The following SBK1 variants were observed in gnomAD, a reference collection of about 807,000 sequenced individuals.
SBK1 encodes the protein SH3 domain binding kinase 1.
Under a neutral mutation model 24.4 loss-of-function variants are expected in SBK1, and 11 were observed. The ratio of observed to expected loss-of-function variants is 0.45; its 90% CI spans 0.28 to 0.75. SBK1 has a LOEUF of 0.75. Among genes scored for constraint, SBK1 ranks in the 30% least tolerant of loss-of-function variants. SBK1 has a pLI of 0.12. For synonymous variants in SBK1, 308 were observed against 284.4 expected (o/e 1.08, Z -0.83); for missense variants, 467 against 620.5 (o/e 0.75, Z 2.63).
chr16:28,277,531 C>T (rs994031307), intron 1 of SBK1, among the ~76,000 whole-genome samples: 1 of 152,012 alleles, frequency 6.6e-6, no homozygotes, highest in Non-Finnish European at 1.5e-5. Flanking sequence ...TTAAATTAGC[C>T]GAGCATGGTA....
chr16:28,322,509 T>C lies in SBK1; in HGVS notation c.*1588T>C, dbSNP rs1461807148. On this transcript the variant is annotated 3_prime_UTR_variant, in exon 4 of 4. Transcript: ENST00000341901. ...CGGCCAGAGTGAACTCCGAGCACTT[T>C]CTGGCTGGTGCCCCAACCTCTCCAC... is the stretch of plus-strand genomic sequence containing the variant. The C allele has an allele frequency of 6.5e-6, 1 of 152,836 alleles. No individual in the cohort carries two copies. The highest frequency in any genetic ancestry group is 1.5e-5 in the Non-Finnish European group (1 of 68,142). 9.5% of individuals were successfully genotyped at this position (152,836 alleles called of 1,614,324 possible).
Position 28,320,866 on chromosome 16 carries a change from C to T in SBK1, c.1220C>T (p.Ala407Val). ...QGPPGRTDGR[A>V]DKSKGQVVLA... ...CCCCCCGGCCGGACCGACGGCCGCG[C>T]GGACAAGAGCAAAGGGCAGGTGGTG... The change falls in exon 4 of 4, where the codon GCG becomes GTG. Residue 407 changes from alanine (A) to valine (V), a missense_variant. Physicochemically the swap from Ala to Val is moderately conservative, Grantham distance 64. Transcript: ENST00000341901. The surrounding 1 kb of genome is among the most constrained non-coding windows in gnomAD (Gnocchi z 8.5). 3 of 1,499,046 alleles carry T rather than the reference C, an allele frequency of 2.0e-6. No homozygotes were observed. The highest frequency in any genetic ancestry group is 2.0e-5 in the Admixed American group (1 of 50,390). 92.9% of individuals were successfully genotyped at this position (1,499,046 alleles called of 1,614,324 possible).
Position 28,320,751 on chromosome 16 carries a change from G to A in SBK1, c.1105G>A (p.Ala369Thr), listed in dbSNP as rs1317847370. 4.0e-6 allele frequency: 5 copies of A among 1,259,632 alleles called. No individual in the cohort carries two copies. The highest frequency in any genetic ancestry group is 3.8e-5 in the Admixed American group (1 of 26,164). The allele number at this position is 1,259,632 out of a possible 1,614,324, so 78.0% of individuals were successfully genotyped here. A position where few individuals can be genotyped will look rare whatever the true frequency, so the allele number is the denominator to read the frequency against. The change falls in exon 4 of 4, where the codon GCC becomes ACC. Residue 369 changes from alanine (A) to threonine (T), a missense_variant. Physicochemically the swap from Ala to Thr is moderately conservative, Grantham distance 58. Around this residue, in one of 4 missense-constraint regions of SBK1, gnomAD observed 166 missense variants for 146.8 expected, o/e 1.13. Coordinates refer to ENST00000341901, the MANE Select transcript of SBK1 (RefSeq NM_001024401.3). This position sits in a 1 kb window ranked among gnomAD's most constrained non-coding sequence, Gnocchi z 8.5. ...SGSGSRPAPP[A>T]VGSVPLPVPV... ...CAGCGGCTCCCGGCCCGCGCCCCCC[G>A]CCGTCGGGTCGGTGCCCTTGCCCGT...
intron 1 of SBK1, among the ~76,000 whole-genome samples, chr16:28,276,428 C>G (rs973216507): frequency 1.3e-5 from 2 of 152,290 alleles, no homozygotes; most frequent in South Asian, 4.1e-4. Flanking sequence ...CTGAATGAGA[C>G]GGGGCACTGG....
chr16:28,304,914 AT>A (rs1216056688), intron 1 of SBK1, among the ~76,000 whole-genome samples: 1 of 147,410 alleles, frequency 6.8e-6, no homozygotes, highest in African/African-American at 2.5e-5. Flanking sequence ...GGCAGCGGTA[AT>A]TTTTTTTTTC....
At chr16:28,316,490 C>G (rs188178959) in intron 1 of SBK1, among the ~76,000 whole-genome samples, 11 of 152,150 alleles carry the variant, frequency 7.2e-5, no homozygotes, top group African/African-American at 2.4e-4. Context: ...ATAAGCTGGG[C>G]ACAGTGGCTC....
intron 1 of SBK1, among the ~76,000 whole-genome samples, chr16:28,260,084 T>G (rs8051692): frequency 1.9e-4 from 28 of 149,940 alleles, no homozygotes; most frequent in African/African-American, 6.6e-4. Flanking sequence ...GTGTATTTGC[T>G]TGTGTGTGTG....
chr16:28,276,491 G>A (rs2044494396), intron 1 of SBK1, among the ~76,000 whole-genome samples: 1 of 152,160 alleles, frequency 6.6e-6, no homozygotes, highest in African/African-American at 2.4e-5. Flanking sequence ...TGCAGGCAGA[G>A]AGCGGATGCC....
chr16:28,297,960 G>C (rs2044652405), intron 1 of SBK1, among the ~76,000 whole-genome samples: 2 of 152,190 alleles, frequency 1.3e-5, no homozygotes, highest in African/African-American at 4.8e-5. Context: ...TGAGGGCTGG[G>C]ACCGTGGTTT....
intron 1 of SBK1, among the ~76,000 whole-genome samples, chr16:28,280,129 A>ATG (rs1319079209): frequency 1.5e-3 from 100 of 66,120 alleles, no homozygotes; most frequent in Non-Finnish European, 2.9e-3. Context: ...ATATATATAT[A>ATG]TATATATATA....
intron 1 of SBK1, among the ~76,000 whole-genome samples, chr16:28,266,596 G>A (rs956683546): frequency 2.0e-5 from 3 of 152,014 alleles, no homozygotes; most frequent in African/African-American, 7.2e-5. Flanking sequence ...GGGCTTTCTG[G>A]ATGCTACAGG....
chr16:28,308,184 G>A (rs1194265986), intron 1 of SBK1, among the ~76,000 whole-genome samples: 2 of 151,998 alleles, frequency 1.3e-5, no homozygotes, highest in Admixed American at 6.6e-5. Context: ...ACAGAGTCTC[G>A]CTGTCACCCA....
In SBK1 at chr16:28,287,142, A is replaced by C. The variant is rs1567673714; in HGVS notation, c.257+27640A>C. On this transcript the variant is annotated intron_variant, in intron 1 of 3. Transcript: ENST00000671413. ...AACTAAATAAATAAATAAAAATTAAATTAAAAAAAGAAAAGAGACTGGACT... is the reference window on the plus strand; with the variant it reads ...AACTAAATAAATAAATAAAAATTAACTTAAAAAAAGAAAAGAGACTGGACT... The C allele has an allele frequency of 2.7e-5, 4 of 149,976 alleles. No individual in the cohort carries two copies. The East Asian group carries it at 7.8e-4, about 29-fold the overall frequency. 9.3% of individuals were successfully genotyped at this position (149,976 alleles called of 1,614,324 possible).
intron 1 of SBK1, among the ~76,000 whole-genome samples, chr16:28,299,452 CACATGGTCCACA>C (rs2044664088): frequency 6.6e-6 from 1 of 152,194 alleles, no homozygotes; most frequent in Non-Finnish European, 1.5e-5. Context: ...ATACCATTCA[CACATGGTCCACA>C]AGCCAAGGCC....
chr16:28,316,206 A>G (rs1383927279), intron 1 of SBK1, among the ~76,000 whole-genome samples: 4 of 152,120 alleles, frequency 2.6e-5, no homozygotes, highest in Non-Finnish European at 5.9e-5. Flanking sequence ...GGCCACATCT[A>G]TACCATCCTG....
intron 1 of SBK1, among the ~76,000 whole-genome samples, chr16:28,276,240 C>T (rs1247881637): frequency 2.0e-5 from 3 of 152,162 alleles, no homozygotes; most frequent in Non-Finnish European, 4.4e-5. Flanking sequence ...CGTCAGCACC[C>T]CTGGGGGCTG....
Position 28,322,977 on chromosome 16 carries a change from T to C in SBK1, c.*2056T>C, listed in dbSNP as rs991575132. ...CTCTCTCTCTCTCTCTCTCTCTCTC[T>C]CTCCTCTCTTTCTCTCTCTCCCTCT... On this transcript the variant is annotated 3_prime_UTR_variant, in exon 4 of 4. Coordinates refer to ENST00000341901, the MANE Select transcript of SBK1 (RefSeq NM_001024401.3). The C allele has an allele frequency of 5.3e-5, 7 of 131,032 alleles. No individual in the cohort carries two copies. The highest frequency in any genetic ancestry group is 4.7e-4 in the East Asian group (2 of 4,300). 8.1% of individuals were successfully genotyped at this position (131,032 alleles called of 1,614,324 possible). A position where few individuals can be genotyped will look rare whatever the true frequency, so the allele number is the denominator to read the frequency against.
upstream of SBK1, among the ~76,000 whole-genome samples, chr16:28,287,642 TTTTG>T (rs1048764782): frequency 6.6e-5 from 10 of 151,162 alleles, no homozygotes; most frequent in Non-Finnish European, 1.0e-4. Context: ...CTTTTTTTGT[TTTTG>T]TTTGTTTGTT....
In SBK1 at chr16:28,320,005, G is replaced by C; in HGVS notation, c.430-71G>C. On this transcript the variant is annotated intron_variant, in intron 3 of 3. Transcript: ENST00000341901. The surrounding 1 kb of genome is among the most constrained non-coding windows in gnomAD (Gnocchi z 8.5). Reference sequence around the variant, plus strand: ...CGAAAACCGCCTTGCTAGAGAGGGAGCTGGAGGGGAGGGCGGCGGGGCGGG... The same window carrying C: ...CGAAAACCGCCTTGCTAGAGAGGGACCTGGAGGGGAGGGCGGCGGGGCGGG... 7.2e-7 allele frequency: 1 copy of C among 1,395,264 alleles called. No homozygotes were observed. The highest frequency in any genetic ancestry group is 1.5e-5 in the African/African-American group (1 of 66,718). 86.4% of individuals were successfully genotyped at this position (1,395,264 alleles called of 1,614,324 possible).
Sources: gnomAD v4.1 joint callset for allele counts (sites outside exome capture counted in the v4.1 genomes callset) on GRCh38, gnomAD v4.1.1 for gene constraint, gnomAD v4.1.1 regional missense constraint, Gnocchi (gnomAD v3.1) non-coding constraint, MANE v1.5 for transcripts, NCBI Gene and HGNC (gene_info 2026-07-23, HGNC 2026-07-21) for gene names.